CENPP: variants seen among roughly 807,000 people sequenced by gnomAD.
CENPP encodes the protein centromere protein P.
CENPP carries 24 observed loss-of-function variants against 35.6 expected under a neutral mutation model. The observed-to-expected ratio is 0.67, with a 90% CI of 0.49 to 0.95. The LOEUF (loss-of-function observed/expected upper bound fraction) is 0.95, where lower values mean the gene tolerates loss of function less well. Ranked by LOEUF, CENPP falls within the 40% of genes least tolerant of loss-of-function variation. The pLI is 0.00. For synonymous variants in CENPP, 120 were observed against 125.5 expected, an observed-to-expected ratio of 0.96 and a Z score of 0.29; for missense variants, 332 against 345.3, an observed-to-expected ratio of 0.96 and a Z score of 0.31.
At chr9:92,466,989 T>C (rs1224090429) in intron 5 of CENPP, among the ~76,000 whole-genome samples, 1 of 152,206 alleles carries the variant, frequency 6.6e-6, no homozygotes, top group South Asian at 2.1e-4. Flanking sequence ...TTGTCTACTT[T>C]GAAAACCTCA....
At chr9:92,580,206 G>T (rs1850386693) in intron 5 of CENPP, among the ~76,000 whole-genome samples, 1 of 152,062 alleles carries the variant, frequency 6.6e-6, no homozygotes, top group African/African-American at 2.4e-5. Context: ...CGGTTTGCCA[G>T]TATTTTATTG....
chr9:92,394,494 G>C (rs1367645166), intron 5 of CENPP, among the ~76,000 whole-genome samples: 1 of 150,100 alleles, frequency 6.7e-6, no homozygotes, highest in African/African-American at 2.5e-5. Context: ...CAAGTGATCT[G>C]CCTGCCTCGG....
At chr9:92,420,648 T>C (rs1843762485) in intron 5 of CENPP, among the ~76,000 whole-genome samples, 1 of 151,294 alleles carries the variant, frequency 6.6e-6, no homozygotes, top group Non-Finnish European at 1.5e-5. Flanking sequence ...CTTGCTTCTT[T>C]TTTTTAAGTC....
rs1850761898 is a variant in CENPP at position 92,595,601 on chromosome 9, T to C, written c.565-15713T>C. On this transcript the variant is annotated intron_variant, in intron 5 of 7. Coordinates refer to ENST00000375587, the MANE Select transcript of CENPP (RefSeq NM_001012267.3). The stretch of plus-strand genomic sequence containing the variant: ...TTTTTTTTTTCATGGAGTCTCGCTC[T>C]GTCGCCCAGGCTGGAGTGCAGTGGC... Among the ~76,000 whole-genome samples, 7 of 152,132 alleles carry C rather than the reference T, an allele frequency of 4.6e-5. No individual in the cohort carries two copies. In the South Asian group the frequency reaches 1.5e-3, roughly 32 times the overall value.
chr9:92,339,640 C>T (rs1841046626), intron 3 of CENPP: 1 of 152,920 alleles, frequency 6.5e-6, no homozygotes, highest in Non-Finnish European at 1.5e-5. Flanking sequence ...GTGTCAGGGG[C>T]ATGGGTGGTA....
chr9:92,546,649 C>T (rs577145017), intron 5 of CENPP, among the ~76,000 whole-genome samples: 1 of 152,140 alleles, frequency 6.6e-6, no homozygotes, highest in South Asian at 2.1e-4. Flanking sequence ...GGACACGCTG[C>T]CTTTAAGAAC....
chr9:92,567,946 T>C (rs1302038412), intron 5 of CENPP, among the ~76,000 whole-genome samples: 6 of 152,034 alleles, frequency 3.9e-5, no homozygotes, highest in Admixed American at 3.9e-4. Flanking sequence ...ACAAAATAGA[T>C]ATAAGGAATA....
At chr9:92,605,933 T>G (rs1851067874) in intron 5 of CENPP, among the ~76,000 whole-genome samples, 1 of 152,144 alleles carries the variant, frequency 6.6e-6, no homozygotes, top group Admixed American at 6.6e-5. Flanking sequence ...AAAGAGCTAT[T>G]ACAATTCAAT....
In CENPP at chr9:92,416,103, A is replaced by T. The variant is rs867766373; in HGVS notation, c.564+36244A>T. Among the ~76,000 whole-genome samples, 730 of 128,346 alleles carry T rather than the reference A, an allele frequency of 5.7e-3. 6 individuals carry two copies. Among genetic ancestry groups the T allele is most frequent in the African/African-American group, 0.014 (516 of 35,878 alleles). 84.2% of individuals were successfully genotyped at this position (128,346 alleles called of 152,430 possible). On this transcript the variant is annotated intron_variant, in intron 5 of 7. Coordinates refer to ENST00000375587, the MANE Select transcript of CENPP (RefSeq NM_001012267.3). ...ATTTATTTATTTATTTATTTATTTT[A>T]TTTTTTTTTTTTTTAAGACAGAGTT...
At chr9:92,327,895 G>C (rs878996609) in intron 1 of CENPP, among the ~76,000 whole-genome samples, 6 of 152,168 alleles carry the variant, frequency 3.9e-5, no homozygotes, top group South Asian at 2.1e-4. Context: ...CTTAGGTCTT[G>C]TTTATAATTT....
intron 5 of CENPP, chr9:92,466,694 T>C (rs1845328109): frequency 2.3e-6 from 2 of 862,898 alleles, no homozygotes; most frequent in African/African-American, 1.7e-5. Context: ...AGATCACCCA[T>C]GTAAAAACTT....
intron 5 of CENPP, among the ~76,000 whole-genome samples, chr9:92,506,735 A>G (rs1316057276): frequency 1.3e-5 from 2 of 152,112 alleles, no homozygotes; most frequent in African/African-American, 2.4e-5. Flanking sequence ...TTTAGATAGA[A>G]GTAGGAGGAA....
intron 5 of CENPP, chr9:92,384,734 T>A (rs1279101565): frequency 6.6e-6 from 1 of 152,128 alleles, no homozygotes; most frequent in African/African-American, 2.4e-5. Flanking sequence ...TCTGTTTTCA[T>A]CTTATGCTTG....
chr9:92,399,488 G>T (rs1291761165), intron 5 of CENPP, among the ~76,000 whole-genome samples: 1 of 151,814 alleles, frequency 6.6e-6, no homozygotes, highest in Non-Finnish European at 1.5e-5. Flanking sequence ...TTATTTATCT[G>T]TAGTATATGT....
chr9:92,523,904 T>C (rs538647574), intron 5 of CENPP, among the ~76,000 whole-genome samples: 1 of 152,316 alleles, frequency 6.6e-6, no homozygotes, highest in South Asian at 2.1e-4. Context: ...CAACTTATTG[T>C]CCCATATTTT....
chr9:92,346,851 G>A (rs1470971873), intron 4 of CENPP, among the ~76,000 whole-genome samples: 1 of 152,182 alleles, frequency 6.6e-6, no homozygotes, highest in Non-Finnish European at 1.5e-5. Context: ...GTCATTCACA[G>A]GGGATAACTC....
chr9:92,368,047 A>G (rs1841929924), intron 4 of CENPP, among the ~76,000 whole-genome samples: 1 of 152,092 alleles, frequency 6.6e-6, no homozygotes, highest in Non-Finnish European at 1.5e-5. Context: ...TTATTTTTTC[A>G]CTATTTAATG....
At chr9:92,381,232 A>G (rs1842233763) in intron 5 of CENPP, among the ~76,000 whole-genome samples, 1 of 151,640 alleles carries the variant, frequency 6.6e-6, no homozygotes, top group African/African-American at 2.4e-5. Context: ...CTTTTCACTT[A>G]GCATAATGTC....
At chr9:92,528,214 A>C (rs1163636143) in intron 5 of CENPP, among the ~76,000 whole-genome samples, 1 of 152,218 alleles carries the variant, frequency 6.6e-6, no homozygotes, top group Non-Finnish European at 1.5e-5. Flanking sequence ...TTAAACAAAG[A>C]GCAGTCCAGG....
Sources: allele counts gnomAD v4.1 joint callset (sites outside exome capture counted in the v4.1 genomes callset), GRCh38; gene constraint gnomAD v4.1.1; transcripts MANE v1.5; gene names NCBI Gene and HGNC (gene_info 2026-07-23, HGNC 2026-07-21).